The following SPOCD1 variants were observed in gnomAD, a reference collection of about 807,000 sequenced individuals.
The protein encoded by SPOCD1 is SPOC domain-containing protein 1.
SPOCD1 carries 64 observed loss-of-function variants against 92.2 expected under a neutral mutation model. The ratio of observed to expected loss-of-function variants is 0.69; its 90% confidence interval spans 0.57 to 0.86. The LOEUF (loss-of-function observed/expected upper bound fraction) is 0.86. Ranked by LOEUF, SPOCD1 falls within the 40% of genes least tolerant of loss-of-function variation. The probability of loss-of-function intolerance (pLI) is 0.00; values close to 1 mark genes in which losing one functional copy is unlikely to be tolerated. For missense variants in SPOCD1, 1,360 were observed against 1,543.1 expected (o/e 0.88, Z 1.99); for synonymous variants, 578 against 619.3 (o/e 0.93, Z 0.99).
chr1:31,796,511 G>C, intron 10 of SPOCD1, 79 bp downstream of exon 10: 1 of 1,610,272 alleles, frequency 6.2e-7, no homozygotes, highest in South Asian at 1.1e-5. Context: ...ACATGCCCAA[G>C]ACCACACTGC....
intron 15 of SPOCD1, 92 bp from the exon 16 acceptor site, chr1:31,791,383 G>A: frequency 9.3e-7 from 1 of 1,070,830 alleles, no homozygotes; most frequent in Non-Finnish European, 1.3e-6. Context: ...GGGCCCATGA[G>A]ATGCTGGGAA....
intron 2 of SPOCD1, among the ~76,000 whole-genome samples, chr1:31,813,225 T>C (rs1187774453): frequency 2.0e-5 from 3 of 152,222 alleles, no homozygotes; most frequent in Non-Finnish European, 4.4e-5. Context: ...TTAACACGAA[T>C]TAAGCAATTT....
intron 2 of SPOCD1, among the ~76,000 whole-genome samples, chr1:31,807,524 T>C (rs1350157530): frequency 6.7e-6 from 1 of 149,982 alleles, no homozygotes; most frequent in African/African-American, 2.5e-5. Flanking sequence ...TAAGACTGTA[T>C]GTTAAGTCTA....
Position 31,814,654 on chromosome 1 carries a change from C to T in SPOCD1, c.680G>A (p.Trp227Ter). The change falls in exon 2 of 16, where the codon TGG becomes TAG. Residue 227 changes from tryptophan (W) to a stop codon, truncating the protein, a stop_gained. Transcript: ENST00000360482. LOFTEE classifies it high-confidence loss of function. The surrounding 1 kb of genome is among the most constrained non-coding windows in gnomAD (Gnocchi z 4.2). ...ECEEGAGDFL[W>*]LDQSPRGDNL... ...GTCCCCACGAGGGCTCTGATCAAGC[C>T]ACAGGAAGTCACCAGCCCCTTCCTC... 1 of 1,547,402 alleles carries T rather than the reference C, an allele frequency of 6.5e-7. No individual in the cohort carries two copies. Among genetic ancestry groups the T allele is most frequent in the Non-Finnish European group, 8.7e-7 (1 of 1,148,630 alleles).
At chr1:31,799,708 G>A in intron 6 of SPOCD1, 101 bp downstream of exon 6, 1 of 1,432,644 alleles carries the variant, frequency 7.0e-7, no homozygotes, top group Non-Finnish European at 9.7e-7. Flanking sequence ...TGTGGGGAGA[G>A]AAGAATCATA....
rs773447239 is a variant in SPOCD1, at chr1:31,798,412, G to T, written c.2028+30C>A. 3 of 1,593,306 alleles carry T rather than the reference G, an allele frequency of 1.9e-6. No homozygotes were observed. Among genetic ancestry groups the T allele is most frequent in the Middle Eastern group, 1.7e-4 (1 of 5,964 alleles). ...GCAGGGGCTCTGAGATTCAGAGAGGGGACGCAGCCCAGCCCAAAGCCCTGC... is the reference window on the plus strand; with the variant it reads ...GCAGGGGCTCTGAGATTCAGAGAGGTGACGCAGCCCAGCCCAAAGCCCTGC... On this transcript the variant is annotated intron_variant, in intron 8 of 15. Coordinates refer to ENST00000360482, the MANE Select transcript of SPOCD1 (RefSeq NM_144569.7). This position sits in a 1 kb window ranked among gnomAD's most constrained non-coding sequence, Gnocchi z 4.1.
At chr1:31,803,825 G>T (rs1648636072) in intron 2 of SPOCD1, among the ~76,000 whole-genome samples, 1 of 150,784 alleles carries the variant, frequency 6.6e-6, no homozygotes, top group South Asian at 2.1e-4. Flanking sequence ...GGAGAAGAAG[G>T]AGGAGGAGGA....
chr1:31,801,480 A>C (rs1648460140), intron 3 of SPOCD1, among the ~76,000 whole-genome samples, 184 bp downstream of exon 3: 1 of 152,200 alleles, frequency 6.6e-6, no homozygotes, highest in East Asian at 1.9e-4. Flanking sequence ...TCAGGTTCCA[A>C]GGTCTGCAGG....
In SPOCD1 at chr1:31,814,244, G is replaced by T. The variant is rs199967531; in HGVS notation, c.1090C>A (p.Leu364Met). ...GAAGCTGGCTGAGCCTTGGCCTCCA[G>T]CTCCTCCTGGTCCTGTGCTGGAGCC... is the stretch of plus-strand genomic sequence containing the variant. ...GQAPAQDQEE[L>M]EAKAQPASRG... The change falls in exon 2 of 16, where the codon CTG becomes ATG. Residue 364 changes from leucine to methionine, a missense_variant. Around this residue, in one of 3 missense-constraint regions of SPOCD1, gnomAD observed 606 missense variants for 601.5 expected, o/e 1.01. Coordinates refer to ENST00000360482, the MANE Select transcript of SPOCD1 (RefSeq NM_144569.7). This position sits in a 1 kb window ranked among gnomAD's most constrained non-coding sequence, Gnocchi z 4.2. 1,144 of 1,583,896 alleles carry T rather than the reference G, an allele frequency of 7.2e-4. 1 individual carries two copies. The highest frequency in any genetic ancestry group is 2.2e-3 in the Middle Eastern group (13 of 5,970).
At position 31,798,649 on chromosome 1, in the gene SPOCD1, C is replaced by A; in HGVS notation, c.1869-48G>T. The stretch of plus-strand genomic sequence containing the variant: ...GGGGCACTGAGCCCAGGAGGCTCTC[C>A]AGGCACTTAGTCCCAGAGGGAGGCA... On this transcript the variant is annotated intron_variant, in intron 7 of 15. Coordinates refer to ENST00000360482, the MANE Select transcript of SPOCD1 (RefSeq NM_144569.7). The surrounding 1 kb of genome is among the most constrained non-coding windows in gnomAD (Gnocchi z 4.1). The A allele has an allele frequency of 6.3e-7, 1 of 1,586,664 alleles. No individual in the cohort carries two copies. The highest frequency in any genetic ancestry group is 1.3e-5 in the African/African-American group (1 of 74,598).
rs542426461 is a variant in SPOCD1, at chr1:31,798,044, G to A, written c.2145+163C>T. 2.6e-5 allele frequency among the ~76,000 whole-genome samples: 4 copies of A among 152,238 alleles called. No individual in the cohort carries two copies. The highest frequency in any genetic ancestry group is 7.2e-5 in the African/African-American group (3 of 41,530). ...CCCCTTCTCCTGTTTCTCTTGTGGG[G>A]AGGGTCTCTCTGACTCCCTATCTGC... is the stretch of plus-strand genomic sequence containing the variant. On this transcript the variant is annotated intron_variant, in intron 9 of 15. Transcript: ENST00000360482. The surrounding 1 kb of genome is among the most constrained non-coding windows in gnomAD (Gnocchi z 4.1).
At chr1:31,813,172 C>T (rs1375566764) in intron 2 of SPOCD1, among the ~76,000 whole-genome samples, 1 of 152,212 alleles carries the variant, frequency 6.6e-6, no homozygotes, top group Non-Finnish European at 1.5e-5. Flanking sequence ...GGGGCTAACG[C>T]CTATCTTACA....
chr1:31,806,675 G>A (rs4949479), intron 2 of SPOCD1, among the ~76,000 whole-genome samples: 101,198 of 151,554 alleles, frequency 0.67, 33,822 homozygotes, highest in South Asian at 0.72. Context: ...CCTCCTGAGT[G>A]GCTTGGATTA....
rs376415535 is a variant in SPOCD1, at chr1:31,794,170, C to T, written c.2337G>A (p.Gly779=). The change falls in exon 11 of 16, where the codon GGG becomes GGA. Residue 779 remains glycine, a synonymous_variant. Transcript: ENST00000360482. ...GGTCTAAGAAGTGGTGGTCATGCTG[C>T]CCCGTGGTGTCCTCTGATGCGATGG... ...ALPIASEDTT[G]QHDHHFLDPN... is the part of the protein sequence containing the mutation. 110 of 1,613,982 alleles carry T rather than the reference C, an allele frequency of 6.8e-5. No individual in the cohort carries two copies. Among genetic ancestry groups the T allele is most frequent in the Non-Finnish European group, 9.2e-5 (109 of 1,180,024 alleles).
rs533913494 is a variant in SPOCD1 at position 31,793,845 on chromosome 1, G to A, written c.2436C>T (p.Cys812=). The change falls in exon 12 of 16, where the codon TGC becomes TGT. Residue 812 remains cysteine, a synonymous_variant. Transcript: ENST00000360482. ...LLGSFEAAKS[C]GDNIFQKALS... Reference sequence around the variant, plus strand: ...GGGCTTTCTGGAAGATATTGTCCCCGCAGCTCTTGGCGGCTTCGAAGGAGC... The same window carrying A: ...GGGCTTTCTGGAAGATATTGTCCCCACAGCTCTTGGCGGCTTCGAAGGAGC... The A allele has an allele frequency of 6.7e-5, 108 of 1,614,128 alleles. No homozygotes were observed. The highest frequency in any genetic ancestry group is 8.3e-5 in the Non-Finnish European group (98 of 1,179,980).
Position 31,791,089 on chromosome 1 carries a change from C to A in SPOCD1, c.3165G>T (p.Pro1055=). 1.2e-6 allele frequency: 2 copies of A among 1,612,960 alleles called. No homozygotes were observed. Among genetic ancestry groups the A allele is most frequent in the Non-Finnish European group, 1.7e-6 (2 of 1,179,876 alleles). ...KRYYQPDDRR[P]NVPLKGTPPP... ...GAGGGGTGCCCTTCAGGGGCACATTCGGCCTCCTGTCATCTGGCTGATAGT... is the reference window on the plus strand; with the variant it reads ...GAGGGGTGCCCTTCAGGGGCACATTAGGCCTCCTGTCATCTGGCTGATAGT... The change falls in exon 16 of 16, where the codon CCG becomes CCT. Residue 1055 remains proline, a synonymous_variant. Coordinates refer to ENST00000360482, the MANE Select transcript of SPOCD1 (RefSeq NM_144569.7).
At chr1:31,796,435 C>T (rs1304888010) in intron 10 of SPOCD1, 155 bp downstream of exon 10, 1 of 1,166,284 alleles carries the variant, frequency 8.6e-7, no homozygotes, top group Non-Finnish European at 1.2e-6. Flanking sequence ...CCCATGTTCC[C>T]CTATGCGTTA....
rs200530521 is a variant in SPOCD1, at chr1:31,790,851, G to T, written c.3403C>A (p.Arg1135Ser). ...GAGTCCCTGTGGAAGTGCTGGCCAC[G>T]GCCAAAGCCATGACCAGCTGGTGCT... ...SVAPAGHGFGRGQHFHRDSCP... is the reference protein window; with the variant it reads ...SVAPAGHGFGSGQHFHRDSCP... The change falls in exon 16 of 16, where the codon CGT (arginine) becomes AGT (serine). Residue 1135 changes from arginine to serine, a missense_variant. Around this residue, in one of 3 missense-constraint regions of SPOCD1, gnomAD observed 614 missense variants for 757.8 expected, o/e 0.81. Transcript: ENST00000360482. The T allele has an allele frequency of 1.3e-6, 2 of 1,550,870 alleles. No individual in the cohort carries two copies. Among genetic ancestry groups the T allele is most frequent in the East Asian group, 2.3e-5 (1 of 42,956 alleles).
intron 6 of SPOCD1, 105 bp downstream of exon 6, chr1:31,799,704 G>T: frequency 1.4e-6 from 2 of 1,405,290 alleles, no homozygotes; most frequent in South Asian, 1.2e-5. Flanking sequence ...GGGATGTGGG[G>T]AGAGAAGAAT....
Sources: allele counts gnomAD v4.1 joint callset (sites outside exome capture counted in the v4.1 genomes callset), GRCh38; gene constraint gnomAD v4.1.1; regional missense constraint gnomAD v4.1.1; non-coding constraint Gnocchi (gnomAD v3.1); transcripts MANE v1.5; gene names NCBI Gene and HGNC (gene_info 2026-07-23, HGNC 2026-07-21).